MYO15B: variants seen among roughly 807,000 people sequenced by gnomAD.
The protein encoded by MYO15B is myosin XVB pseudogene.
MYO15B carries 207 observed loss-of-function variants against 119.3 expected under a neutral mutation model. That is an observed-to-expected ratio of 1.73 (90% CI 1.55 to 1.95). The LOEUF (loss-of-function observed/expected upper bound fraction) is 1.95, where lower values mean the gene tolerates loss of function less well. Among genes scored for constraint, MYO15B ranks in the 30% most tolerant of loss-of-function variants. The pLI, the probability that MYO15B is intolerant of heterozygous loss-of-function variation, is 0.00. For synonymous variants in MYO15B, 966 were observed against 498.9 expected, an observed-to-expected ratio of 1.94 and a Z score of -12.48; for missense variants, 2,264 against 1,203.1, an observed-to-expected ratio of 1.88 and a Z score of -13.04.
In MYO15B at chr17:75,592,093, G is replaced by A. The variant is rs1199510534; in HGVS notation, c.2651+13G>A. 1.4e-6 allele frequency: 1 copy of A among 702,722 alleles called. No homozygotes were observed. The highest frequency in any genetic ancestry group is 2.0e-5 in the Admixed American group (1 of 50,006). 43.5% of individuals were successfully genotyped at this position (702,722 alleles called of 1,614,324 possible). ...TCTACCTACAGCAGTGAGTGGCAGG[G>A]TTGCAGGGGGCACCTACAATCACTT... On this transcript the variant is annotated intron_variant, in intron 6 of 63. Coordinates refer to ENST00000645453, the Ensembl canonical transcript of MYO15B.
exon 57 of MYO15B, chr17:75,624,390 G>A (rs1004804138): frequency 2.0e-5 from 14 of 702,438 alleles, no homozygotes; most frequent in Non-Finnish European, 3.1e-5. Context: ...CGATTCGCCT[G>A]CTTCTTATTC....
intron 14 of MYO15B, among the ~76,000 whole-genome samples, chr17:75,598,762 T>C (rs1334472109): frequency 1.3e-5 from 2 of 152,184 alleles, no homozygotes; most frequent in Non-Finnish European, 2.9e-5. Context: ...TTCTAAACGA[T>C]TGTTTCTCCC....
At chr17:75,612,761 C>T (rs967958249) in intron 25 of MYO15B, 37 bp from the exon 26 acceptor site, 1 of 702,722 alleles carries the variant, frequency 1.4e-6, no homozygotes, top group African/African-American at 1.7e-5. Context: ...TGTCTGATAG[C>T]TGGTGAGCAT....
At position 75,592,660 on chromosome 17, in the gene MYO15B, C is replaced by T. The variant is rs1258775368; in HGVS notation, c.2830-19C>T. ...TGGGGTGGCAGGCCCCGCTCCCTCA[C>T]CCCTGCTGTGCTCTGCAGGGCCAGG... On this transcript the variant is annotated intron_variant, in intron 8 of 63. Coordinates refer to ENST00000645453, the Ensembl canonical transcript of MYO15B. 9 of 693,572 alleles carry T rather than the reference C, an allele frequency of 1.3e-5. No individual in the cohort carries two copies. The highest frequency in any genetic ancestry group is 3.5e-5 in the African/African-American group (2 of 57,068). 43.0% of individuals were successfully genotyped at this position (693,572 alleles called of 1,614,324 possible). A position where few individuals can be genotyped will look rare whatever the true frequency, so the allele number is the denominator to read the frequency against.
chr17:75,609,153 G>A (rs895637545), intron 21 of MYO15B, among the ~76,000 whole-genome samples: 2 of 152,014 alleles, frequency 1.3e-5, no homozygotes, highest in South Asian at 2.1e-4. Context: ...GGTGTCATAC[G>A]GGTATGAGCC....
chr17:75,610,583 A>G (rs1415247890), intron 22 of MYO15B: 2 of 529,648 alleles, frequency 3.8e-6, no homozygotes, highest in Non-Finnish European at 6.8e-6. Context: ...AAGGTCTATA[A>G]AGCGACTCAA....
exon 22 of MYO15B, chr17:75,610,195 T>C: frequency 1.4e-6 from 1 of 701,642 alleles, no homozygotes; most frequent in Non-Finnish European, 2.6e-6. Flanking sequence ...CGGGCAGCTT[T>C]GGGACAGCTG....
At position 75,625,173 on chromosome 17, in the gene MYO15B, C is replaced by T. The variant is rs143324536; in HGVS notation, c.8739C>T (p.Asp2913=). 847 of 702,502 alleles carry T rather than the reference C, an allele frequency of 1.2e-3. 1 individual carries two copies. The African/African-American group carries it at 0.012, about 10-fold the overall frequency. 43.5% of individuals were successfully genotyped at this position (702,502 alleles called of 1,614,324 possible). ...AGCTGCCAGTCAGCGCCAAGGCAGA[C>T]GCGCAGCTCGCCAGGCTGGCCGCCC... The change falls in exon 60 of 64, where the codon GAC becomes GAT. Residue 2913 remains aspartate (D), a synonymous_variant. Transcript: ENST00000645453.
At chr17:75,601,327 A>T (rs982532660) in intron 14 of MYO15B, 111 bp from the exon 15 acceptor site, 103 of 606,584 alleles carry the variant, frequency 1.7e-4, no homozygotes, top group African/African-American at 1.6e-3. Flanking sequence ...AACAAAGCCA[A>T]ACCTACCCTT....
chr17:75,606,535 G>A (rs1292282795), intron 21 of MYO15B, among the ~76,000 whole-genome samples: 2 of 150,888 alleles, frequency 1.3e-5, no homozygotes, highest in African/African-American at 2.4e-5. Context: ...GTGTAATGGT[G>A]CGATCTCGGG....
chr17:75,605,850 C>T lies in MYO15B; in HGVS notation c.4135-14C>T, dbSNP rs2057611017. On this transcript the variant is annotated splice_polypyrimidine_tract_variant and intron_variant, in intron 20 of 63. Coordinates refer to ENST00000645453, the Ensembl canonical transcript of MYO15B. Reference sequence around the variant, plus strand: ...CTCCTGGCTCCTGCCTACAGCCCACCCCTCTACCCACAGGTCCTGCTGCAG... The same window carrying T: ...CTCCTGGCTCCTGCCTACAGCCCACTCCTCTACCCACAGGTCCTGCTGCAG... The T allele has an allele frequency of 1.5e-6, 1 of 681,130 alleles. No homozygotes were observed. The highest frequency in any genetic ancestry group is 1.8e-5 in the African/African-American group (1 of 56,884). 42.2% of individuals were successfully genotyped at this position (681,130 alleles called of 1,614,324 possible). A position where few individuals can be genotyped will look rare whatever the true frequency, so the allele number is the denominator to read the frequency against.
chr17:75,618,968 C>T (rs2148071018), intron 43 of MYO15B, 175 bp from the exon 44 acceptor site: 1 of 606,690 alleles, frequency 1.6e-6, no homozygotes, highest in South Asian at 2.0e-5. Flanking sequence ...ATGGAGGTGG[C>T]CCAAGCCCTC....
At chr17:75,614,658 A>G (rs1191207489) in exon 31 of MYO15B, 1 of 701,030 alleles carries the variant, frequency 1.4e-6, no homozygotes, top group Non-Finnish European at 2.6e-6. Flanking sequence ...GTCCAGCCCC[A>G]ACGCTGCCCA....
In MYO15B at chr17:75,621,487, C is replaced by G; in HGVS notation, c.7936-14C>G. 1.4e-6 allele frequency: 1 copy of G among 701,628 alleles called. No homozygotes were observed. The highest frequency in any genetic ancestry group is 2.6e-6 in the Non-Finnish European group (1 of 383,862). The allele number at this position is 701,628 out of a possible 1,614,324, so 43.5% of individuals were successfully genotyped here. On this transcript the variant is annotated splice_polypyrimidine_tract_variant and intron_variant, in intron 51 of 63. Transcript: ENST00000645453. ...CGGCCCCCCAGACCCATGGCCTCCT[C>G]TCTTTGGCCACAGGCTCCCATCCAG...
chr17:75,612,685 AG>A, intron 25 of MYO15B, 112 bp from the exon 26 acceptor site: 1 of 635,494 alleles, frequency 1.6e-6, no homozygotes, highest in Admixed American at 2.7e-5. Context: ...AAAGGCATTA[AG>A]ATGCATTTCT....
intron 8 of MYO15B, 58 bp from the exon 9 acceptor site, chr17:75,592,621 G>A (rs879229976): frequency 2.0e-5 from 13 of 656,150 alleles, no homozygotes; most frequent in South Asian, 1.8e-4. Context: ...AGTAGCCGGA[G>A]TAGAGGGAGG....
Position 75,614,653 on chromosome 17 carries a change from G to A in MYO15B, c.5452G>A (p.Ala1818Thr), listed in dbSNP as rs1050488418. 115 of 701,102 alleles carry A rather than the reference G, an allele frequency of 1.6e-4. No homozygotes were observed. In the Admixed American group the frequency reaches 2.3e-3, roughly 14 times the overall value. 43.4% of individuals were successfully genotyped at this position (701,102 alleles called of 1,614,324 possible). Residue 1818 changes from alanine (A) to threonine (T), a missense_variant, in exon 31 of 64, where the codon GCC becomes ACC. Coordinates refer to ENST00000645453, the Ensembl canonical transcript of MYO15B. ...GCCCCCAGGACCCCCTCCAGGTCCA[G>A]CCCCAACGCTGCCCAGCAGGGACCA...
chr17:75,596,066 G>A (rs575469772), intron 12 of MYO15B, among the ~76,000 whole-genome samples: 58 of 152,344 alleles, frequency 3.8e-4, no homozygotes, highest in South Asian at 1.0e-3. Context: ...AGAGAGTGCT[G>A]AGGGAGCACT....
At chr17:75,616,077 C>T (rs373852299) in exon 37 of MYO15B, 27 of 576,224 alleles carry the variant, frequency 4.7e-5, no homozygotes, top group Admixed American at 6.7e-5. Flanking sequence ...AGGAGACCTC[C>T]GAGGAGGCTG....
Sources: allele counts gnomAD v4.1 joint callset (sites outside exome capture counted in the v4.1 genomes callset), GRCh38; gene constraint gnomAD v4.1.1; transcripts MANE v1.5; gene names NCBI Gene and HGNC (gene_info 2026-07-23, HGNC 2026-07-21).